Variants in PXK observed in about 807,000 individuals in gnomAD.
The protein encoded by PXK is PX domain containing serine/threonine kinase like, also known as PX domain-containing protein kinase-like protein.
A neutral mutation model predicts 84.7 loss-of-function variants in PXK; 35 were observed. The ratio of observed to expected loss-of-function variants is 0.41; its 90% CI spans 0.32 to 0.55. The LOEUF (loss-of-function observed/expected upper bound fraction) is 0.55, where lower values mean the gene tolerates loss of function less well. PXK is among the 20% of genes least tolerant of loss of function. The pLI, the probability that PXK is intolerant of heterozygous loss-of-function variation, is 0.21. For synonymous variants in PXK, 253 were observed against 260.8 expected, an observed-to-expected ratio of 0.97 and a Z score of 0.29; for missense variants, 634 against 699.7, an observed-to-expected ratio of 0.91 and a Z score of 1.06.
At chr3:58,359,306 C>T (rs745449111) in intron 1 of PXK, among the ~76,000 whole-genome samples, 9 of 151,766 alleles carry the variant, frequency 5.9e-5, no homozygotes, top group Non-Finnish European at 1.3e-4. Flanking sequence ...GCGAGGTGGG[C>T]AGATCACGAG....
In PXK at chr3:58,333,105, G is replaced by T; in HGVS notation, c.102+15G>T. ...AGTCCCACACGGTGCGCGGCCCAGC[G>T]GGCGGGCGGGCGGCGTGGGGCGGCC... On this transcript the variant is annotated intron_variant, in intron 1 of 17. Transcript: ENST00000356151. The surrounding 1 kb of genome is among the most constrained non-coding windows in gnomAD (Gnocchi z 5.4). 8.9e-7 allele frequency: 1 copy of T among 1,120,278 alleles called. No homozygotes were observed. Among genetic ancestry groups the T allele is most frequent in the Non-Finnish European group, 1.1e-6 (1 of 913,088 alleles). The allele number at this position is 1,120,278 out of a possible 1,614,324, so 69.4% of individuals were successfully genotyped here. A position where few individuals can be genotyped will look rare whatever the true frequency, so the allele number is the denominator to read the frequency against.
intron 6 of PXK, 142 bp downstream of exon 6, chr3:58,391,362 A>G: frequency 1.5e-6 from 1 of 666,654 alleles, no homozygotes; most frequent in Non-Finnish European, 2.5e-6. Context: ...AAGAAAAGTC[A>G]TTTTGAGTCA....
chr3:58,408,789 T>C, intron 13 of PXK, 135 bp from the exon 14 acceptor site: 1 of 665,206 alleles, frequency 1.5e-6, no homozygotes, highest in Non-Finnish European at 2.7e-6. Context: ...CTCAAAGTCC[T>C]GGGATTACAG....
At chr3:58,355,438 G>C (rs114749787) in intron 1 of PXK, among the ~76,000 whole-genome samples, 1 of 152,216 alleles carries the variant, frequency 6.6e-6, no homozygotes, top group Non-Finnish European at 1.5e-5. Context: ...GAAGGTTTGC[G>C]TAAGTTTTGG....
chr3:58,423,308 A>T (rs1389914152), intron 17 of PXK: 1 of 965,156 alleles, frequency 1.0e-6, no homozygotes, highest in Admixed American at 6.2e-5. Flanking sequence ...TTAGCATAAA[A>T]CATAACAATT....
Position 58,397,719 on chromosome 3 carries a change from G to C in PXK, c.1099G>C (p.Val367Leu), listed in dbSNP as rs1458573302. The C allele has an allele frequency of 6.2e-7, 1 of 1,612,120 alleles. No homozygotes were observed. Among genetic ancestry groups the C allele is most frequent in the Non-Finnish European group, 8.5e-7 (1 of 1,178,218 alleles). Residue 367 changes from valine to leucine, a missense_variant, in exon 11 of 18, where the codon GTG (valine) becomes CTG (leucine). Val to Leu is a conservative substitution (Grantham distance 32, BLOSUM62 1). This residue lies in a region of PXK where 273 missense variants were observed against 283.6 expected (regional missense o/e 0.96). Transcript: ENST00000356151. The surrounding 1 kb of genome is among the most constrained non-coding windows in gnomAD (Gnocchi z 4.7). Reference sequence around the variant, plus strand: ...CTTCCCTCCTGCCCCGTCCATGGCTGTGGGTCAGTATGGGGTTGGGAAGGG... The same window carrying C: ...CTTCCCTCCTGCCCCGTCCATGGCTCTGGGTCAGTATGGGGTTGGGAAGGG... ...DSFPPAPSMA[V>L]VAVLESTLSC...
At chr3:58,340,986 T>C (rs1395928242) in intron 1 of PXK, among the ~76,000 whole-genome samples, 1 of 148,478 alleles carries the variant, frequency 6.7e-6, no homozygotes, top group East Asian at 1.9e-4. Context: ...TTTTTTTTTT[T>C]TCCTTAAACT....
At chr3:58,420,062 G>C (rs1165022913) in intron 17 of PXK, among the ~76,000 whole-genome samples, 1 of 152,178 alleles carries the variant, frequency 6.6e-6, no homozygotes, top group Admixed American at 6.5e-5. Context: ...CAAATCTATT[G>C]TAGACTCTAG....
chr3:58,391,082 C>A, intron 5 of PXK, 65 bp from the exon 6 acceptor site: 3 of 1,139,288 alleles, frequency 2.6e-6, no homozygotes, highest in South Asian at 2.5e-5. Flanking sequence ...ATTACCTAGT[C>A]AGTGAAACAT....
intron 3 of PXK, among the ~76,000 whole-genome samples, chr3:58,372,142 G>A (rs1200451313): frequency 6.6e-6 from 1 of 152,108 alleles, no homozygotes; most frequent in Non-Finnish European, 1.5e-5. Flanking sequence ...TACAAGAAAT[G>A]TTTGGAAAAC....
intron 17 of PXK, chr3:58,423,540 T>C (rs1330185219): frequency 6.5e-7 from 1 of 1,534,992 alleles, no homozygotes; most frequent in African/African-American, 1.4e-5. Context: ...CCTGTCACAC[T>C]TGGTGAAAAG....
chr3:58,348,177 G>A (rs2097855451), intron 1 of PXK, among the ~76,000 whole-genome samples: 2 of 152,142 alleles, frequency 1.3e-5, no homozygotes, highest in South Asian at 4.1e-4. Context: ...CCAAAGTGCT[G>A]GGATTACAGG....
At position 58,399,216 on chromosome 3, in the gene PXK, C is replaced by A; in HGVS notation, c.1103-83C>A. The A allele has an allele frequency of 8.3e-7, 1 of 1,210,756 alleles. No homozygotes were observed. Among genetic ancestry groups the A allele is most frequent in the Non-Finnish European group, 1.2e-6 (1 of 818,458 alleles). 75.0% of individuals were successfully genotyped at this position (1,210,756 alleles called of 1,614,324 possible). A position where few individuals can be genotyped will look rare whatever the true frequency, so the allele number is the denominator to read the frequency against. ...CTGATCAGCCCGCAGACAGTTATTGCAAAGTGGTGTTAAACTTTTCATCAG... is the reference window on the plus strand; with the variant it reads ...CTGATCAGCCCGCAGACAGTTATTGAAAAGTGGTGTTAAACTTTTCATCAG... On this transcript the variant is annotated intron_variant, in intron 11 of 17. Transcript: ENST00000356151. This position sits in a 1 kb window ranked among gnomAD's most constrained non-coding sequence, Gnocchi z 4.3.
chr3:58,352,802 T>A (rs1388494956), intron 1 of PXK, among the ~76,000 whole-genome samples: 2 of 152,162 alleles, frequency 1.3e-5, no homozygotes, highest in Non-Finnish European at 2.9e-5. Flanking sequence ...GTCTTTGAAG[T>A]CGGTGTGGAG....
At chr3:58,347,348 T>G (rs2107911013) in intron 1 of PXK, among the ~76,000 whole-genome samples, 1 of 152,306 alleles carries the variant, frequency 6.6e-6, no homozygotes, top group African/African-American at 2.4e-5. Context: ...CACACCCACT[T>G]TCATCGCTCC....
intron 17 of PXK, chr3:58,420,835 C>CA: frequency 7.8e-7 from 1 of 1,288,118 alleles, no homozygotes; most frequent in African/African-American, 1.5e-5. Flanking sequence ...CTAAAACCTG[C>CA]AAATCAACTG....
At chr3:58,417,687 G>A (rs2061197889) in intron 17 of PXK, among the ~76,000 whole-genome samples, 1 of 152,076 alleles carries the variant, frequency 6.6e-6, no homozygotes, top group South Asian at 2.1e-4. Context: ...ACTTTTTCCA[G>A]GACTTTAAAA....
At chr3:58,378,306 A>T (rs2098460770) in intron 3 of PXK, among the ~76,000 whole-genome samples, 1 of 152,000 alleles carries the variant, frequency 6.6e-6, no homozygotes, top group Non-Finnish European at 1.5e-5. Flanking sequence ...ACAGCTGCAT[A>T]GGGTCATCTG....
At chr3:58,396,420 C>T (rs998267434) in intron 9 of PXK, among the ~76,000 whole-genome samples, 1 of 152,156 alleles carries the variant, frequency 6.6e-6, no homozygotes, top group Admixed American at 6.5e-5. Context: ...TAGTGAATTG[C>T]TCTGGGCACC....
Sources: allele counts gnomAD v4.1 joint callset (sites outside exome capture counted in the v4.1 genomes callset), GRCh38; gene constraint gnomAD v4.1.1; regional missense constraint gnomAD v4.1.1; non-coding constraint Gnocchi (gnomAD v3.1); transcripts MANE v1.5; gene names NCBI Gene and HGNC (gene_info 2026-07-23, HGNC 2026-07-21).